Variants in TENM3 observed in about 807,000 individuals in gnomAD.
TENM3 encodes teneurin-3.
In TENM3, 63 loss-of-function variants were observed where a neutral mutation model predicts 255.1. That is an observed-to-expected ratio of 0.25 (90% confidence interval 0.20 to 0.30). TENM3 has a LOEUF of 0.30. Ranked by LOEUF, TENM3 falls within the 10% of genes least tolerant of loss-of-function variation. The probability of loss-of-function intolerance (pLI) is 1.00; values close to 1 mark genes in which losing one functional copy is unlikely to be tolerated. For missense variants in TENM3, 2,929 were observed against 3,461.1 expected, an observed-to-expected ratio of 0.85 and a Z score of 3.86; for synonymous variants, 1,306 against 1,322.3, an observed-to-expected ratio of 0.99 and a Z score of 0.27.
At chr4:182,563,430 T>C (rs1489198747) in intron 3 of TENM3, among the ~76,000 whole-genome samples, 1 of 151,742 alleles carries the variant, frequency 6.6e-6, no homozygotes, top group East Asian at 1.9e-4. Context: ...CAAGACTCCA[T>C]CTCAAAAAAA....
chr4:182,283,829 CTTAT>C (rs1224573312), intron 1 of TENM3, among the ~76,000 whole-genome samples: 1 of 152,020 alleles, frequency 6.6e-6, no homozygotes, highest in Middle Eastern at 3.2e-3. Context: ...TGTTTGTTGT[CTTAT>C]TTTTCTTCGA....
the TENM3 span, among the ~76,000 whole-genome samples, chr4:182,115,971 C>T: frequency 1.4e-5 from 2 of 145,384 alleles, no homozygotes; most frequent in African/African-American, 5.1e-5. Context: ...TATATCCTGT[C>T]CCCCCTACAA....
the TENM3 span, among the ~76,000 whole-genome samples, chr4:181,913,394 A>G: frequency 6.6e-6 from 1 of 152,198 alleles, no homozygotes; most frequent in Non-Finnish European, 1.5e-5. Context: ...ATTTACTTCT[A>G]TAGAAGGTTG....
At chr4:182,346,588 AAG>A in intron 2 of TENM3, 61 bp from the exon 3 acceptor site, 3 of 1,379,058 alleles carry the variant, frequency 2.2e-6, no homozygotes, top group Admixed American at 2.5e-5. Flanking sequence ...AAAAAAAAAA[AAG>A]AAAAGAAACT....
At chr4:181,851,458 G>T in the TENM3 span, among the ~76,000 whole-genome samples, 1 of 152,130 alleles carries the variant, frequency 6.6e-6, no homozygotes, top group Non-Finnish European at 1.5e-5. Flanking sequence ...CATTAGACAG[G>T]GTTGTGTCAT....
the TENM3 span, among the ~76,000 whole-genome samples, chr4:181,613,796 TTTAACA>T: frequency 2.0e-5 from 3 of 152,234 alleles, no homozygotes; most frequent in East Asian, 1.9e-4. Flanking sequence ...CTATTTTCAC[TTTAACA>T]TTAAGATGTG....
At chr4:182,448,840 C>A (rs1318430499) in intron 3 of TENM3, among the ~76,000 whole-genome samples, 1 of 150,268 alleles carries the variant, frequency 6.7e-6, no homozygotes, top group Admixed American at 6.6e-5. Context: ...GGCGGCCGAG[C>A]CGGGGCGCTG....
At chr4:182,665,189 C>G (rs1754562458) in intron 6 of TENM3, among the ~76,000 whole-genome samples, 1 of 152,138 alleles carries the variant, frequency 6.6e-6, no homozygotes, top group Non-Finnish European at 1.5e-5. Context: ...TGCTTATTGA[C>G]CATTCCTAGA....
the TENM3 span, among the ~76,000 whole-genome samples, chr4:182,034,832 A>C: frequency 6.6e-6 from 1 of 152,014 alleles, no homozygotes; most frequent in African/African-American, 2.4e-5. Context: ...CCTTCATTTC[A>C]ACCTTGGAGA....
At chr4:182,664,875 T>A (rs1754526177) in intron 6 of TENM3, among the ~76,000 whole-genome samples, 1 of 152,182 alleles carries the variant, frequency 6.6e-6, no homozygotes, top group Non-Finnish European at 1.5e-5. Flanking sequence ...AGTTTGAAGT[T>A]AGCAAAGGTT....
chr4:182,750,987 C>A (rs913296504), intron 19 of TENM3, among the ~76,000 whole-genome samples: 2 of 152,134 alleles, frequency 1.3e-5, no homozygotes, highest in Non-Finnish European at 2.9e-5. Context: ...TTGTCCCCTC[C>A]TTAACAGTGT....
At chr4:181,613,380 G>A in the TENM3 span, among the ~76,000 whole-genome samples, 1 of 152,198 alleles carries the variant, frequency 6.6e-6, no homozygotes, top group Admixed American at 6.5e-5. Flanking sequence ...CCAGCTGCGG[G>A]AATGTAGGGG....
intron 1 of TENM3, among the ~76,000 whole-genome samples, chr4:182,176,373 A>G (rs1752489667): frequency 6.6e-6 from 1 of 152,154 alleles, no homozygotes; most frequent in African/African-American, 2.4e-5. Context: ...TAAAAAGGAG[A>G]TGATAATGTT....
the TENM3 span, among the ~76,000 whole-genome samples, chr4:181,903,570 A>T: frequency 6.6e-6 from 1 of 152,234 alleles, no homozygotes; most frequent in East Asian, 1.9e-4. Context: ...AACTCAAACC[A>T]ATTACTGTGT....
chr4:181,703,554 C>T, the TENM3 span, among the ~76,000 whole-genome samples: 1 of 152,098 alleles, frequency 6.6e-6, no homozygotes, highest in Non-Finnish European at 1.5e-5. Flanking sequence ...TATGACTTTT[C>T]TCGCCCAGAC....
chr4:181,559,821 C>T, the TENM3 span, among the ~76,000 whole-genome samples: 275 of 152,346 alleles, frequency 1.8e-3, no homozygotes, highest in Middle Eastern at 3.4e-3. Context: ...CTTCAAGGTG[C>T]AGCTTGCCTA....
intron 3 of TENM3, among the ~76,000 whole-genome samples, chr4:182,542,680 T>C (rs1338838508): frequency 6.6e-6 from 1 of 152,202 alleles, no homozygotes; most frequent in Admixed American, 6.5e-5. Flanking sequence ...TACTCTTTCA[T>C]GATGAAGCTC....
At chr4:181,553,475 T>C in the TENM3 span, among the ~76,000 whole-genome samples, 1 of 152,034 alleles carries the variant, frequency 6.6e-6, no homozygotes, top group Non-Finnish European at 1.5e-5. Context: ...GGAGTCTGGC[T>C]CTGTCGCCCA....
chr4:181,723,549 C>G, the TENM3 span, among the ~76,000 whole-genome samples: 1 of 152,072 alleles, frequency 6.6e-6, no homozygotes, highest in Admixed American at 6.5e-5. Context: ...AAGTTGGAAA[C>G]ACTTTTCCTT....
Sources: allele counts gnomAD v4.1 joint callset (sites outside exome capture counted in the v4.1 genomes callset), GRCh38; gene constraint gnomAD v4.1.1; transcripts MANE v1.5; gene names NCBI Gene and HGNC (gene_info 2026-07-23, HGNC 2026-07-21).